UGT1A10: variants seen among roughly 807,000 people sequenced by gnomAD.
UGT1A10 encodes UDP-glucuronosyltransferase 1A10.
A neutral mutation model predicts 45.8 loss-of-function variants in UGT1A10; 49 were observed. The ratio of observed to expected loss-of-function variants is 1.07; its 90% confidence interval spans 0.85 to 1.36. The LOEUF is 1.36. Among genes scored for constraint, UGT1A10 ranks in the 40% most tolerant of loss-of-function variants. The pLI is 0.00. For missense variants in UGT1A10, 745 were observed against 668.6 expected (o/e 1.11, Z -1.26); for synonymous variants, 284 against 249.7 (o/e 1.14, Z -1.29).
chr2:233,672,215 C>T lies in UGT1A10; in HGVS notation c.855+34838C>T, dbSNP rs780464022. The T allele has an allele frequency of 3.7e-6, 6 of 1,614,128 alleles. No homozygotes were observed. The South Asian group carries it at 6.6e-5, about 18-fold the overall frequency. ...CTGGACCGGGAGTTCAAGGCTTTTG[C>T]CCATGCTCAATGGAAAGCACAAGTA... On this transcript the variant is annotated intron_variant, in intron 1 of 4. Coordinates refer to ENST00000344644, the MANE Select transcript of UGT1A10 (RefSeq NM_019075.4).
intron 1 of UGT1A10, among the ~76,000 whole-genome samples, chr2:233,728,922 C>T (rs1370421534): frequency 6.9e-6 from 1 of 145,892 alleles, no homozygotes; most frequent in Non-Finnish European, 1.5e-5. Context: ...TCAAGATAGT[C>T]ATGATCGGTC....
rs937345281 is a variant in UGT1A10, at chr2:233,688,628, C to A, written c.855+51251C>A. 9.2e-5 allele frequency among the ~76,000 whole-genome samples: 14 copies of A among 152,130 alleles called. 1 individual carries two copies. The highest frequency in any genetic ancestry group is 3.4e-4 in the African/African-American group (14 of 41,444). On this transcript the variant is annotated intron_variant, in intron 1 of 4. Coordinates refer to ENST00000344644, the MANE Select transcript of UGT1A10 (RefSeq NM_019075.4). ...ACACCCTCAGCAAACATGAGTTCGTCTTGTTTTTGTTGGTGTTACAGAATA... is the reference window on the plus strand; with the variant it reads ...ACACCCTCAGCAAACATGAGTTCGTATTGTTTTTGTTGGTGTTACAGAATA...
chr2:233,697,517 A>T (rs1481615958), intron 1 of UGT1A10, among the ~76,000 whole-genome samples: 185 of 146,308 alleles, frequency 1.3e-3, no homozygotes, highest in African/African-American at 3.5e-3. Context: ...TTTTTTTTTA[A>T]AAAACTTTTT....
At chr2:233,641,997 A>G (rs931488202) in intron 1 of UGT1A10, among the ~76,000 whole-genome samples, 1 of 152,138 alleles carries the variant, frequency 6.6e-6, no homozygotes, top group Non-Finnish European at 1.5e-5. Context: ...TCTTTGGGTT[A>G]AATGTGCTTG....
intron 1 of UGT1A10, among the ~76,000 whole-genome samples, chr2:233,650,265 T>C (rs1304576634): frequency 6.6e-6 from 1 of 152,174 alleles, no homozygotes; most frequent in Non-Finnish European, 1.5e-5. Flanking sequence ...CCACCGTACC[T>C]GGCCAAGGTC....
chr2:233,714,620 A>T (rs1224138567), intron 1 of UGT1A10, among the ~76,000 whole-genome samples: 1 of 152,256 alleles, frequency 6.6e-6, no homozygotes, highest in East Asian at 1.9e-4. Context: ...CAGCAAAAAG[A>T]AACCACTAAA....
At chr2:233,642,757 T>C (rs2073485054) in intron 1 of UGT1A10, among the ~76,000 whole-genome samples, 1 of 152,250 alleles carries the variant, frequency 6.6e-6, no homozygotes, top group African/African-American at 2.4e-5. Context: ...GCTGTGGTTC[T>C]TGCAGACTTG....
chr2:233,771,098 A>C (rs1387885615), intron 4 of UGT1A10: 1 of 152,210 alleles, frequency 6.6e-6, no homozygotes, highest in Non-Finnish European at 1.5e-5. Flanking sequence ...TATCAGGAAG[A>C]CAGCACTAAA....
chr2:233,643,468 G>C (rs927101057), intron 1 of UGT1A10, among the ~76,000 whole-genome samples: 1 of 152,016 alleles, frequency 6.6e-6, no homozygotes, highest in Non-Finnish European at 1.5e-5. Flanking sequence ...CTCTATCCCA[G>C]GGGAGCTCCA....
chr2:233,651,625 A>T (rs2073743898), intron 1 of UGT1A10, among the ~76,000 whole-genome samples: 1 of 152,212 alleles, frequency 6.6e-6, no homozygotes, highest in African/African-American at 2.4e-5. Flanking sequence ...ACTGTCATTG[A>T]AAGACCTATG....
In UGT1A10 at chr2:233,636,841, T is replaced by C. The variant is rs1306760779; in HGVS notation, c.319T>C (p.Ser107Pro). 6.2e-7 allele frequency: 1 copy of C among 1,614,224 alleles called. No individual in the cohort carries two copies. Among genetic ancestry groups the C allele is most frequent in the South Asian group, 1.1e-5 (1 of 91,080 alleles). The change falls in exon 1 of 5, where the codon TCT becomes CCT. Residue 107 changes from serine to proline, a missense_variant. By Grantham distance (74) the Ser-to-Pro change is moderately conservative (BLOSUM62 -1). Coordinates refer to ENST00000344644, the MANE Select transcript of UGT1A10 (RefSeq NM_019075.4). The stretch of plus-strand genomic sequence containing the variant: ...GAAAGCACAGGCACAAAGTATATTT[T>C]CTCTATTAATGAGTTCATCCAGTGG... ...QWKAQAQSIF[S>P]LLMSSSSGFL...
chr2:233,741,234 T>C (rs1176985414), intron 1 of UGT1A10, among the ~76,000 whole-genome samples: 1 of 151,886 alleles, frequency 6.6e-6, no homozygotes, highest in Non-Finnish European at 1.5e-5. Flanking sequence ...CCACTACCTC[T>C]GAGTGACACT....
intron 1 of UGT1A10, among the ~76,000 whole-genome samples, chr2:233,683,942 T>C (rs2074656989): frequency 6.6e-6 from 1 of 152,210 alleles, no homozygotes; most frequent in Non-Finnish European, 1.5e-5. Context: ...ATATTGTTGG[T>C]CTAGCCAGCT....
chr2:233,713,138 G>C (rs753871977), intron 1 of UGT1A10: 1 of 1,614,080 alleles, frequency 6.2e-7, no homozygotes, highest in African/African-American at 1.3e-5. Flanking sequence ...AGGCCTTGCG[G>C]GACCTCCATG....
At position 233,641,905 on chromosome 2, in the gene UGT1A10, A is replaced by G. The variant is rs547494268; in HGVS notation, c.855+4528A>G. Reference sequence around the variant, plus strand: ...ATTGGAACTCCATTGTTTGTTATTTATCTCTTCTCTTGCTGCTTTTAGAAT... The same window carrying G: ...ATTGGAACTCCATTGTTTGTTATTTGTCTCTTCTCTTGCTGCTTTTAGAAT... On this transcript the variant is annotated intron_variant, in intron 1 of 4. Coordinates refer to ENST00000344644, the MANE Select transcript of UGT1A10 (RefSeq NM_019075.4). Among the ~76,000 whole-genome samples, 39 of 152,072 alleles carry G rather than the reference A, an allele frequency of 2.6e-4. No homozygotes were observed. In the South Asian group the frequency reaches 7.7e-3, roughly 30 times the overall value.
chr2:233,695,903 T>G (rs1451387957), intron 1 of UGT1A10, among the ~76,000 whole-genome samples: 4 of 151,844 alleles, frequency 2.6e-5, no homozygotes, highest in African/African-American at 4.8e-5. Flanking sequence ...ATGTGTGGGG[T>G]TTTTTTTCTC....
At chr2:233,735,687 T>C (rs1251778606) in intron 1 of UGT1A10, among the ~76,000 whole-genome samples, 1 of 152,148 alleles carries the variant, frequency 6.6e-6, no homozygotes, top group African/African-American at 2.4e-5. Flanking sequence ...CTTTAGGAGC[T>C]CTTGTAAGGC....
chr2:233,701,289 C>T (rs185939112), intron 1 of UGT1A10, among the ~76,000 whole-genome samples: 36 of 152,168 alleles, frequency 2.4e-4, no homozygotes, highest in East Asian at 7.7e-4. Context: ...CTTGAGGAAT[C>T]GCCACACTGT....
chr2:233,681,137 G>A (rs533523111), intron 1 of UGT1A10, among the ~76,000 whole-genome samples: 3 of 151,790 alleles, frequency 2.0e-5, no homozygotes, highest in Admixed American at 1.3e-4. Flanking sequence ...CAGGTGAGCC[G>A]CAATTTCCTC....
Sources: gnomAD v4.1 joint callset for allele counts (sites outside exome capture counted in the v4.1 genomes callset) on GRCh38, gnomAD v4.1.1 for gene constraint, MANE v1.5 for transcripts, NCBI Gene and HGNC (gene_info 2026-07-23, HGNC 2026-07-21) for gene names.